Variants in DCUN1D4 observed in about 807,000 individuals in gnomAD.
DCUN1D4 encodes the protein defective in cullin neddylation 1 domain containing 4.
In DCUN1D4, 22 loss-of-function variants were observed where a neutral mutation model predicts 47.9. The ratio of observed to expected loss-of-function variants is 0.46; its 90% confidence interval spans 0.33 to 0.66. The LOEUF (loss-of-function observed/expected upper bound fraction) is 0.66, where lower values mean the gene tolerates loss of function less well. Among genes scored for constraint, DCUN1D4 ranks in the 30% least tolerant of loss-of-function variants. DCUN1D4 has a pLI of 0.02. For missense variants in DCUN1D4, 301 were observed against 340.8 expected (o/e 0.88, Z 0.92); for synonymous variants, 121 against 112.2 (o/e 1.08, Z -0.50).
chr4:51,878,091 T>G (rs1381488550), intron 5 of DCUN1D4: 1 of 264,372 alleles, frequency 3.8e-6, no homozygotes, highest in East Asian at 6.7e-5. Flanking sequence ...ATGAAATGAC[T>G]TGGGAGAAAT....
chr4:51,872,104 G>T (rs138940212), intron 3 of DCUN1D4, among the ~76,000 whole-genome samples: 2 of 152,304 alleles, frequency 1.3e-5, no homozygotes, highest in African/African-American at 4.8e-5. Context: ...GAAGGAGCAG[G>T]CAGGATCCTT....
At chr4:51,837,546 T>A in the DCUN1D4 span, among the ~76,000 whole-genome samples, 3 of 149,774 alleles carry the variant, frequency 2.0e-5, no homozygotes, top group Non-Finnish European at 4.4e-5. Context: ...TCCCAACTAC[T>A]CGGGAGGCTG....
At chr4:51,893,758 A>G (rs968977253) in intron 7 of DCUN1D4, among the ~76,000 whole-genome samples, 1 of 152,190 alleles carries the variant, frequency 6.6e-6, no homozygotes, top group Non-Finnish European at 1.5e-5. Context: ...GCTGCTTTTT[A>G]AAGTGTCCTT....
intron 3 of DCUN1D4, among the ~76,000 whole-genome samples, chr4:51,866,398 GAT>G (rs1434568817): frequency 2.8e-4 from 33 of 118,716 alleles, no homozygotes; most frequent in African/African-American, 1.5e-3. Context: ...TGATGATGAT[GAT>G]GATGATGATG....
chr4:51,844,241 G>A (rs1250716773), intron 1 of DCUN1D4: 3 of 792,594 alleles, frequency 3.8e-6, no homozygotes, highest in Admixed American at 6.3e-5. Context: ...GTGCTTAGGG[G>A]AGGTACTTCC....
At chr4:51,835,951 C>G in the DCUN1D4 span, among the ~76,000 whole-genome samples, 1 of 152,156 alleles carries the variant, frequency 6.6e-6, no homozygotes, top group East Asian at 1.9e-4. Flanking sequence ...TACTGGCCCC[C>G]CAAGCCAAGC....
the DCUN1D4 span, among the ~76,000 whole-genome samples, chr4:51,836,288 T>TA: frequency 6.6e-6 from 1 of 152,218 alleles, no homozygotes; most frequent in African/African-American, 2.4e-5. Flanking sequence ...CTGTGACCCC[T>TA]AAAATGTTAA....
intron 6 of DCUN1D4, among the ~76,000 whole-genome samples, chr4:51,888,720 T>C (rs1729934836): frequency 7.5e-6 from 1 of 134,178 alleles, no homozygotes; most frequent in Non-Finnish European, 1.6e-5. Context: ...CAGGACTCCA[T>C]CTCCAAAAAA....
chr4:51,907,586 G>C (rs1000941681), intron 8 of DCUN1D4, among the ~76,000 whole-genome samples: 3 of 152,034 alleles, frequency 2.0e-5, no homozygotes, highest in African/African-American at 4.8e-5. Context: ...ATTGTGATTT[G>C]CCTGTATATT....
intron 9 of DCUN1D4, 34 bp from the exon 10 acceptor site, chr4:51,913,254 AGT>A: frequency 7.6e-7 from 1 of 1,318,764 alleles, no homozygotes. Context: ...GTTCATTTTA[AGT>A]GTCAGTAATT....
intron 7 of DCUN1D4, among the ~76,000 whole-genome samples, chr4:51,893,735 A>G (rs1201212607): frequency 6.6e-6 from 1 of 152,214 alleles, no homozygotes; most frequent in African/African-American, 2.4e-5. Flanking sequence ...ATTGCTGAGT[A>G]GAGCAGCCGA....
chr4:51,908,092 T>C (rs1222181960), intron 8 of DCUN1D4, among the ~76,000 whole-genome samples: 1 of 152,192 alleles, frequency 6.6e-6, no homozygotes, highest in Non-Finnish European at 1.5e-5. Context: ...ACGTAGAATA[T>C]TTAGAGTAGG....
intron 5 of DCUN1D4, among the ~76,000 whole-genome samples, chr4:51,880,948 GAA>G (rs950304225): frequency 6.6e-6 from 1 of 152,100 alleles, no homozygotes; most frequent in Admixed American, 6.6e-5. Flanking sequence ...CTAACACGGT[GAA>G]ATCCCATCTC....
chr4:51,858,961 G>A (rs1724576361), intron 1 of DCUN1D4, among the ~76,000 whole-genome samples: 1 of 152,174 alleles, frequency 6.6e-6, no homozygotes, highest in African/African-American at 2.4e-5. Context: ...TTTATACTGT[G>A]TATTGATATC....
upstream of DCUN1D4, among the ~76,000 whole-genome samples, chr4:51,841,096 A>G (rs2109762249): frequency 6.6e-6 from 1 of 152,324 alleles, no homozygotes; most frequent in South Asian, 2.1e-4. Context: ...ACATTATTAT[A>G]AAGTATGCTG....
chr4:51,878,903 A>T (rs1728104962), intron 5 of DCUN1D4, among the ~76,000 whole-genome samples: 1 of 152,134 alleles, frequency 6.6e-6, no homozygotes, highest in Admixed American at 6.5e-5. Context: ...TCCTATTCCC[A>T]TGCAACCCTT....
intron 1 of DCUN1D4, chr4:51,843,646 C>T: frequency 8.2e-7 from 1 of 1,217,694 alleles, no homozygotes; most frequent in Non-Finnish European, 1.0e-6. Flanking sequence ...GGGGGTGGCA[C>T]CGGCGGGGAG....
At chr4:51,875,629 A>G (rs1055265786) in intron 4 of DCUN1D4, among the ~76,000 whole-genome samples, 1 of 152,170 alleles carries the variant, frequency 6.6e-6, no homozygotes, top group Non-Finnish European at 1.5e-5. Context: ...TATTATCCCA[A>G]TAAGATCCCT....
chr4:51,844,815 G>T (rs1284692509), intron 1 of DCUN1D4: 2 of 985,400 alleles, frequency 2.0e-6, no homozygotes, highest in Non-Finnish European at 2.4e-6. Flanking sequence ...CCGCGGTTGG[G>T]TTGGGTGCAC....
Sources: allele counts gnomAD v4.1 joint callset (sites outside exome capture counted in the v4.1 genomes callset), GRCh38; gene constraint gnomAD v4.1.1; transcripts MANE v1.5; gene names NCBI Gene and HGNC (gene_info 2026-07-23, HGNC 2026-07-21).